Variants in RNF4 observed in about 807,000 individuals in gnomAD.
RNF4 encodes the protein E3 ubiquitin-protein ligase RNF4.
RNF4 carries 7 observed loss-of-function variants against 24.3 expected under a neutral mutation model. The ratio of observed to expected loss-of-function variants is 0.29; its 90% CI spans 0.16 to 0.54. RNF4 has a LOEUF of 0.54. RNF4 is among the 20% of genes least tolerant of loss of function. The pLI, the probability that RNF4 is intolerant of heterozygous loss-of-function variation, is 0.95. For missense variants in RNF4, 209 were observed against 248.5 expected, an observed-to-expected ratio of 0.84 and a Z score of 1.07; for synonymous variants, 83 against 84.3, an observed-to-expected ratio of 0.98 and a Z score of 0.09.
chr4:2,470,537 A>G (rs1734870533), intron 1 of RNF4, among the ~76,000 whole-genome samples: 2 of 152,220 alleles, frequency 1.3e-5, no homozygotes, highest in South Asian at 2.1e-4. Context: ...TTCTTGAATT[A>G]CTACCTTTGT....
chr4:2,512,147 A>C lies in RNF4; in HGVS notation c.214+182A>C. 1 of 654,662 alleles carries C rather than the reference A, an allele frequency of 1.5e-6. No individual in the cohort carries two copies. The highest frequency in any genetic ancestry group is 2.7e-6 in the Non-Finnish European group (1 of 375,704). The allele number at this position is 654,662 out of a possible 1,614,324, so 40.6% of individuals were successfully genotyped here. A position where few individuals can be genotyped will look rare whatever the true frequency, so the allele number is the denominator to read the frequency against. Reference sequence around the variant, plus strand: ...CAGTCCCCCTTGTGCCTGCTGAAGAAACTTCACCACTATCATTGAGCACTG... The same window carrying C: ...CAGTCCCCCTTGTGCCTGCTGAAGACACTTCACCACTATCATTGAGCACTG... On this transcript the variant is annotated intron_variant, in intron 5 of 7. Coordinates refer to ENST00000314289, the MANE Select transcript of RNF4 (RefSeq NM_002938.5). This position sits in a 1 kb window ranked among gnomAD's most constrained non-coding sequence, Gnocchi z 4.1.
chr4:2,513,237 C>T (rs1736319343), intron 7 of RNF4, 106 bp downstream of exon 7: 1 of 1,040,160 alleles, frequency 9.6e-7, no homozygotes, highest in Non-Finnish European at 1.5e-6. Context: ...CACCCCTACT[C>T]ACAGTCATGC....
At chr4:2,510,608 G>C (rs757054258) in intron 4 of RNF4, among the ~76,000 whole-genome samples, 2 of 152,228 alleles carry the variant, frequency 1.3e-5, no homozygotes, top group Non-Finnish European at 2.9e-5. Context: ...CTCGGTTCAC[G>C]TCTAGGATCC....
chr4:2,489,199 A>T (rs1392412038), intron 1 of RNF4, among the ~76,000 whole-genome samples: 1 of 152,116 alleles, frequency 6.6e-6, no homozygotes, highest in Non-Finnish European at 1.5e-5. Context: ...CATGCTTAGG[A>T]GTTAGGCCTT....
chr4:2,479,527 C>T (rs1033560560), intron 1 of RNF4, among the ~76,000 whole-genome samples: 20 of 152,212 alleles, frequency 1.3e-4, no homozygotes, highest in African/African-American at 4.6e-4. Flanking sequence ...CTCATGAGAT[C>T]TGATAGTTTT....
Position 2,512,086 on chromosome 4 carries a change from A to G in RNF4, c.214+121A>G. On this transcript the variant is annotated intron_variant, in intron 5 of 7. Transcript: ENST00000314289. The surrounding 1 kb of genome is among the most constrained non-coding windows in gnomAD (Gnocchi z 4.1). ...GGCTTGGAGCGCTCCAAGCAGGAAGATGCCTTCGCAGATGCTGTGGTCAGA... is the reference window on the plus strand; with the variant it reads ...GGCTTGGAGCGCTCCAAGCAGGAAGGTGCCTTCGCAGATGCTGTGGTCAGA... 1.1e-6 allele frequency: 1 copy of G among 882,786 alleles called. No individual in the cohort carries two copies. The highest frequency in any genetic ancestry group is 2.4e-5 in the Admixed American group (1 of 40,834). 54.7% of individuals were successfully genotyped at this position (882,786 alleles called of 1,614,324 possible). A position where few individuals can be genotyped will look rare whatever the true frequency, so the allele number is the denominator to read the frequency against.
At chr4:2,473,613 C>T (rs942486922) in intron 1 of RNF4, among the ~76,000 whole-genome samples, 1 of 147,930 alleles carries the variant, frequency 6.8e-6, no homozygotes, top group Non-Finnish European at 1.5e-5. Flanking sequence ...GAGTTCACAA[C>T]CAGCCTGGCC....
intron 4 of RNF4, among the ~76,000 whole-genome samples, chr4:2,509,857 G>T (rs537111531): frequency 1.8e-4 from 28 of 152,156 alleles, no homozygotes; most frequent in Non-Finnish European, 3.8e-4. Flanking sequence ...GAGGGTGGGG[G>T]CATGTTGGAG....
At chr4:2,473,026 C>T (rs530502943) in intron 1 of RNF4, among the ~76,000 whole-genome samples, 12 of 144,220 alleles carry the variant, frequency 8.3e-5, no homozygotes, top group South Asian at 2.2e-4. Flanking sequence ...GGCAACAGAG[C>T]GAGACTCCAT....
chr4:2,481,525 C>T (rs1015025632), intron 1 of RNF4, among the ~76,000 whole-genome samples: 15 of 152,194 alleles, frequency 9.9e-5, no homozygotes, highest in African/African-American at 3.6e-4. Flanking sequence ...GGGAGCAATA[C>T]TTGCAATATT....
intron 3 of RNF4, 91 bp downstream of exon 3, chr4:2,497,212 T>C: frequency 2.3e-6 from 2 of 875,786 alleles, no homozygotes; most frequent in South Asian, 3.3e-5. Context: ...GCTTTCAGTG[T>C]CTTTAGAAGG....
At chr4:2,485,807 G>GC (rs1735388321) in intron 1 of RNF4, among the ~76,000 whole-genome samples, 1 of 152,166 alleles carries the variant, frequency 6.6e-6, no homozygotes, top group Admixed American at 6.5e-5. Flanking sequence ...AGTAAATAGA[G>GC]CCTTGTCCTC....
At position 2,515,741 on chromosome 4, in the gene RNF4, A is replaced by G. The variant is rs1311151480; in HGVS notation, c.*1922A>G. The G allele has an allele frequency of 2.6e-5, 4 of 152,630 alleles. No homozygotes were observed. The highest frequency in any genetic ancestry group is 7.2e-5 in the African/African-American group (3 of 41,444). 9.5% of individuals were successfully genotyped at this position (152,630 alleles called of 1,614,324 possible). On this transcript the variant is annotated 3_prime_UTR_variant, in exon 8 of 8. Transcript: ENST00000314289. ...TGAAGAAATGTCTTTCCTTTTTTCA[A>G]TGTACATAGTTCAACTCTTTCTTTG...
intron 1 of RNF4, among the ~76,000 whole-genome samples, chr4:2,478,961 C>G (rs907093878): frequency 2.6e-5 from 4 of 152,196 alleles, no homozygotes; most frequent in African/African-American, 9.6e-5. Flanking sequence ...GTGAAAACAG[C>G]CGGGAGGGAG....
chr4:2,488,204 T>A (rs1007773645), intron 1 of RNF4, among the ~76,000 whole-genome samples: 28 of 152,196 alleles, frequency 1.8e-4, no homozygotes, highest in Admixed American at 6.5e-4. Context: ...GGCTCATGCC[T>A]GTAATCCCAG....
At chr4:2,504,607 G>A (rs1269662796) in intron 4 of RNF4, among the ~76,000 whole-genome samples, 1 of 151,252 alleles carries the variant, frequency 6.6e-6, no homozygotes, top group African/African-American at 2.4e-5. Context: ...CTGGAGTGCA[G>A]TGGCGTGATC....
At chr4:2,509,510 G>A (rs892639374) in intron 4 of RNF4, among the ~76,000 whole-genome samples, 2 of 152,058 alleles carry the variant, frequency 1.3e-5, no homozygotes, top group African/African-American at 4.8e-5. Flanking sequence ...GAGCCACCGC[G>A]CCCAGCCTGT....
At position 2,479,050 on chromosome 4, in the gene RNF4, G is replaced by A. The variant is rs181478149; in HGVS notation, c.-158+9792G>A. On this transcript the variant is annotated intron_variant, in intron 1 of 7. Transcript: ENST00000314289. ...CCTCTTGGATCAGCGTGACCTGGAT[G>A]TGAGACATGGAGTCAAAGGAGATCA... Among the ~76,000 whole-genome samples, 46 of 152,354 alleles carry A rather than the reference G, an allele frequency of 3.0e-4. No individual in the cohort carries two copies. The East Asian group carries it at 6.9e-3, about 23-fold the overall frequency.
intron 2 of RNF4, 133 bp from the exon 3 acceptor site, chr4:2,496,874 G>T: frequency 1.6e-6 from 1 of 607,120 alleles, no homozygotes; most frequent in Non-Finnish European, 2.9e-6. Flanking sequence ...CTCAAGTTTT[G>T]AAAGGAGCCC....
Sources: allele counts gnomAD v4.1 joint callset (sites outside exome capture counted in the v4.1 genomes callset), GRCh38; gene constraint gnomAD v4.1.1; non-coding constraint Gnocchi (gnomAD v3.1); transcripts MANE v1.5; gene names NCBI Gene and HGNC (gene_info 2026-07-23, HGNC 2026-07-21).